CACNA1I: variants seen among roughly 807,000 people sequenced by gnomAD.
The protein encoded by CACNA1I is calcium voltage-gated channel subunit alpha1 I.
A neutral mutation model predicts 201.6 loss-of-function variants in CACNA1I; 74 were observed. That is an observed-to-expected ratio of 0.37 (90% confidence interval 0.30 to 0.45). The LOEUF is 0.45. Ranked by LOEUF, CACNA1I falls within the 20% of genes least tolerant of loss-of-function variation. CACNA1I has a pLI of 1.00. For missense variants in CACNA1I, 2,346 were observed against 3,138.1 expected, an observed-to-expected ratio of 0.75 and a Z score of 6.03; for synonymous variants, 1,431 against 1,345.2, an observed-to-expected ratio of 1.06 and a Z score of -1.40.
Position 39,678,081 on chromosome 22 carries a change from G to A in CACNA1I, c.5028G>A (p.Thr1676=), listed in dbSNP as rs1350284263. ...TCCTCACACTCTTCCAGGTCTCCAC[G>A]GGTGACAACTGGAACGGGATCATGA... ...MAFLTLFQVS[T]GDNWNGIMKD... is the part of the protein sequence containing the mutation. The change falls in exon 31 of 37, where the codon ACG becomes ACA. Residue 1676 remains threonine, a synonymous_variant. Transcript: ENST00000402142. 36 of 1,611,214 alleles carry A rather than the reference G, an allele frequency of 2.2e-5. No homozygotes were observed. In the East Asian group the frequency reaches 4.9e-4, roughly 22 times the overall value.
chr22:39,637,464 G>A (rs1250311268), intron 5 of CACNA1I, among the ~76,000 whole-genome samples: 1 of 152,118 alleles, frequency 6.6e-6, no homozygotes, highest in African/African-American at 2.4e-5. Flanking sequence ...GTTAGAAATC[G>A]GAGCCCCAGC....
intron 2 of CACNA1I, among the ~76,000 whole-genome samples, chr22:39,598,913 C>T (rs1406989358): frequency 6.8e-6 from 1 of 147,390 alleles, no homozygotes; most frequent in Non-Finnish European, 1.5e-5. Context: ...CAGATTCCTC[C>T]CGGGAGGCAT....
chr22:39,668,133 G>A (rs972508862), intron 23 of CACNA1I, among the ~76,000 whole-genome samples, 159 bp from the exon 24 acceptor site: 1 of 152,158 alleles, frequency 6.6e-6, no homozygotes, highest in Non-Finnish European at 1.5e-5. Context: ...AGGTCCTTAG[G>A]AAAGTTTGTT....
chr22:39,621,460 G>T (rs770153819), intron 4 of CACNA1I, among the ~76,000 whole-genome samples: 8 of 152,232 alleles, frequency 5.3e-5, no homozygotes, highest in African/African-American at 1.7e-4. Flanking sequence ...CTGACCCCGG[G>T]CTTGCAGAAT....
chr22:39,611,031 C>T (rs1268953260), intron 3 of CACNA1I, among the ~76,000 whole-genome samples: 1 of 152,082 alleles, frequency 6.6e-6, no homozygotes, highest in Non-Finnish European at 1.5e-5. Context: ...GCCCCTATCA[C>T]GTGGCTGAGG....
intron 10 of CACNA1I, among the ~76,000 whole-genome samples, chr22:39,653,367 G>T (rs754594382): frequency 1.3e-5 from 2 of 152,202 alleles, no homozygotes; most frequent in East Asian, 1.9e-4. Flanking sequence ...TGGGCTCTGC[G>T]CAGGGCCTGA....
At chr22:39,634,382 G>A (rs570766053) in intron 4 of CACNA1I, among the ~76,000 whole-genome samples, 183 bp from the exon 5 acceptor site, 11 of 152,192 alleles carry the variant, frequency 7.2e-5, no homozygotes, top group East Asian at 1.9e-4. Flanking sequence ...TGGCTTTTTC[G>A]GTGGAGGGGC....
At chr22:39,600,890 C>T (rs146566741) in intron 3 of CACNA1I, among the ~76,000 whole-genome samples, 28 of 152,258 alleles carry the variant, frequency 1.8e-4, no homozygotes, top group Non-Finnish European at 2.8e-4. Context: ...ATTAATGATA[C>T]GACCTTGAGA....
At chr22:39,654,389 C>CA (rs1375241377) in intron 10 of CACNA1I, among the ~76,000 whole-genome samples, 1 of 152,126 alleles carries the variant, frequency 6.6e-6, no homozygotes, top group Non-Finnish European at 1.5e-5. Context: ...AGTTGGAGAA[C>CA]AAAAAACAGA....
Position 39,598,256 on chromosome 22 carries a change from C to G in CACNA1I, c.342C>G (p.Ile114Met). 1 of 1,584,450 alleles carries G rather than the reference C, an allele frequency of 6.3e-7. No homozygotes were observed. Among genetic ancestry groups the G allele is most frequent in the Non-Finnish European group, 8.6e-7 (1 of 1,165,194 alleles). The change falls in exon 2 of 37, where the codon ATC (isoleucine) becomes ATG (methionine). Residue 114 changes from isoleucine to methionine, a missense_variant. Around this residue, in one of 13 missense-constraint regions of CACNA1I, gnomAD observed 130 missense variants for 160.7 expected, o/e 0.81. Transcript: ENST00000402142. ...DMDCLSDRCK[I>M]LQVFDDFIFI... ...ACTGCCTGTCCGACCGCTGCAAGAT[C>G]CTGCAGGTGAGCCGGCCGCCCCGCC...
In CACNA1I at chr22:39,679,427, C is replaced by T; in HGVS notation, c.5376C>T (p.Arg1792=). ...ACACCGAGGGCGGCTTGTGCCGGCG[C>T]TGCTACTCGCCTGCCCAGGTGGGCA... ...GGDTEGGLCR[R]CYSPAQENLW... Residue 1792 remains arginine, a synonymous_variant, in exon 32 of 37, where the codon CGC becomes CGT. Coordinates refer to ENST00000402142, the MANE Select transcript of CACNA1I (RefSeq NM_021096.4). 7.0e-7 allele frequency: 1 copy of T among 1,425,212 alleles called. No individual in the cohort carries two copies. Among genetic ancestry groups the T allele is most frequent in the Non-Finnish European group, 9.1e-7 (1 of 1,102,342 alleles). The allele number at this position is 1,425,212 out of a possible 1,614,324, so 88.3% of individuals were successfully genotyped here.
intron 1 of CACNA1I, among the ~76,000 whole-genome samples, chr22:39,575,298 C>T (rs1028195359): frequency 6.6e-6 from 1 of 152,192 alleles, no homozygotes; most frequent in African/African-American, 2.4e-5. Flanking sequence ...ATTTCCGAGC[C>T]CCAGTTTCCC....
chr22:39,600,721 G>C (rs984920059), intron 3 of CACNA1I, 68 bp downstream of exon 3: 4 of 1,484,652 alleles, frequency 2.7e-6, no homozygotes, highest in Admixed American at 2.6e-5. Flanking sequence ...AGAATCCAGG[G>C]CTTCTTGCTG....
intron 32 of CACNA1I, 58 bp from the exon 33 acceptor site, chr22:39,679,664 C>T: frequency 6.7e-7 from 1 of 1,501,562 alleles, no homozygotes. Context: ...GCCCACCCCA[C>T]AGCCCCGGGA....
chr22:39,591,712 C>G (rs984831999), intron 1 of CACNA1I, among the ~76,000 whole-genome samples: 6 of 151,942 alleles, frequency 3.9e-5, no homozygotes. Context: ...GCGCCTGCCA[C>G]CATGCCCAGC....
rs201154154 is a variant in CACNA1I at position 39,660,434 on chromosome 22, G to A, written c.2695G>A (p.Gly899Arg). 2.0e-4 allele frequency: 321 copies of A among 1,609,902 alleles called. 1 individual carries two copies. In the African/African-American group the frequency reaches 3.8e-3, roughly 19 times the overall value. The change falls in exon 15 of 37, where the codon GGA (glycine) becomes AGA (arginine). Residue 899 changes from glycine to arginine, a missense_variant. By Grantham distance (125) the Gly-to-Arg change is moderately radical. Transcript: ENST00000402142. The part of the protein sequence containing the change: ...DKLQEGLDSS[G>R]DPKLCPIPMT... ...GCTCCAGGAAGGCCTGGACAGCAGCGGAGGTAAACAGGCCCTCGCTTGTCA... is the reference window on the plus strand; with the variant it reads ...GCTCCAGGAAGGCCTGGACAGCAGCAGAGGTAAACAGGCCCTCGCTTGTCA...
At chr22:39,606,274 C>G (rs544451270) in intron 3 of CACNA1I, among the ~76,000 whole-genome samples, 24 of 152,188 alleles carry the variant, frequency 1.6e-4, no homozygotes, top group Non-Finnish European at 3.4e-4. Context: ...GTCATGTTCA[C>G]TCTCCAAACC....
intron 20 of CACNA1I, 67 bp from the exon 21 acceptor site, chr22:39,664,672 C>T (rs893584919): frequency 8.6e-6 from 6 of 696,716 alleles, no homozygotes; most frequent in Admixed American, 4.4e-5. Flanking sequence ...GCATAGAGCC[C>T]GGTTGGCCCC....
At chr22:39,583,221 A>AATCC (rs151147807) in intron 1 of CACNA1I, among the ~76,000 whole-genome samples, 23,662 of 113,368 alleles carry the variant, frequency 0.21, 3,020 homozygotes, top group East Asian at 0.67. Flanking sequence ...TCCATCCAAC[A>AATCC]ATCCATCCAT....
Sources: gnomAD v4.1 joint callset for allele counts (sites outside exome capture counted in the v4.1 genomes callset) on GRCh38, gnomAD v4.1.1 for gene constraint, gnomAD v4.1.1 regional missense constraint, MANE v1.5 for transcripts, NCBI Gene and HGNC (gene_info 2026-07-23, HGNC 2026-07-21) for gene names.